The following ATP10D variants were observed in gnomAD, a reference collection of about 807,000 sequenced individuals.
ATP10D encodes ATPase phospholipid transporting 10D (putative), also known as phospholipid-transporting ATPase VD.
ATP10D carries 89 observed loss-of-function variants against 144.8 expected under a neutral mutation model. The observed-to-expected ratio is 0.61, with a 90% CI of 0.52 to 0.73. The LOEUF (loss-of-function observed/expected upper bound fraction) is 0.73. ATP10D is among the 30% of genes least tolerant of loss of function. The pLI, the probability that ATP10D is intolerant of heterozygous loss-of-function variation, is 0.00. For missense variants in ATP10D, 1,603 were observed against 1,714.8 expected, an observed-to-expected ratio of 0.93 and a Z score of 1.15; for synonymous variants, 571 against 615.1, an observed-to-expected ratio of 0.93 and a Z score of 1.06.
Position 47,587,038 on chromosome 4 carries a change from T to C in ATP10D, c.3773T>C (p.Val1258Ala), listed in dbSNP as rs1720820617. ...SKSLTWIHLLVIIGSILSYFL... is the reference protein window; with the variant it reads ...SKSLTWIHLLAIIGSILSYFL... ...TTACAGACTTGGATTCACTTGCTGG[T>C]CATCATTGGTAGCATCTTGTCTTAT... The change falls in exon 22 of 23, where the codon GTC (valine) becomes GCC (alanine). Residue 1258 changes from valine (V) to alanine (A), a missense_variant. By Grantham distance (64) the Val-to-Ala change is moderately conservative. Coordinates refer to ENST00000273859, the MANE Select transcript of ATP10D (RefSeq NM_020453.4). 1 of 1,613,980 alleles carries C rather than the reference T, an allele frequency of 6.2e-7. No homozygotes were observed. Among genetic ancestry groups the C allele is most frequent in the Non-Finnish European group, 8.5e-7 (1 of 1,179,890 alleles).
chr4:47,524,882 A>G (rs1237092041), intron 4 of ATP10D, among the ~76,000 whole-genome samples: 1 of 150,140 alleles, frequency 6.7e-6, no homozygotes, highest in African/African-American at 2.4e-5. Flanking sequence ...TTCCTATTAT[A>G]TACTTATTAA....
chr4:47,519,717 G>T (rs547611899), intron 3 of ATP10D, among the ~76,000 whole-genome samples: 1 of 152,244 alleles, frequency 6.6e-6, no homozygotes, highest in South Asian at 2.1e-4. Flanking sequence ...TTAAGACTCA[G>T]TTCGGGTATC....
At chr4:47,488,136 A>G (rs1714866248) in intron 1 of ATP10D, among the ~76,000 whole-genome samples, 1 of 152,208 alleles carries the variant, frequency 6.6e-6, no homozygotes, top group African/African-American at 2.4e-5. Context: ...AAGCCCCAAT[A>G]ACAAAATATT....
chr4:47,580,074 G>A (rs1720431926), intron 19 of ATP10D, among the ~76,000 whole-genome samples: 2 of 152,350 alleles, frequency 1.3e-5, no homozygotes, highest in South Asian at 4.1e-4. Flanking sequence ...AATGGATAGA[G>A]TTGGAGAAGT....
intron 9 of ATP10D, among the ~76,000 whole-genome samples, chr4:47,537,755 G>T (rs1245102097): frequency 1.3e-5 from 2 of 151,986 alleles, no homozygotes; most frequent in Non-Finnish European, 2.9e-5. Flanking sequence ...TACTATATGT[G>T]GTCAAACTTA....
intron 19 of ATP10D, among the ~76,000 whole-genome samples, chr4:47,577,467 C>A (rs532463777): frequency 6.6e-6 from 1 of 152,086 alleles, no homozygotes; most frequent in Non-Finnish European, 1.5e-5. Flanking sequence ...TGGTATGTGA[C>A]CTTGGTAAAT....
chr4:47,528,258 C>G (rs550458613), intron 5 of ATP10D, among the ~76,000 whole-genome samples: 1 of 152,020 alleles, frequency 6.6e-6, no homozygotes, highest in South Asian at 2.1e-4. Context: ...ACCCTCCTTT[C>G]TTTTGGAGTC....
At chr4:47,577,990 T>A (rs1720321834) in intron 19 of ATP10D, among the ~76,000 whole-genome samples, 1 of 152,208 alleles carries the variant, frequency 6.6e-6, no homozygotes, top group African/African-American at 2.4e-5. Context: ...GCCTGTGTTT[T>A]AAAAGCCCAT....
At chr4:47,496,546 G>A (rs2109385654) in intron 1 of ATP10D, among the ~76,000 whole-genome samples, 1 of 152,266 alleles carries the variant, frequency 6.6e-6, no homozygotes, top group South Asian at 2.1e-4. Context: ...TGGGTCTAGA[G>A]AAGTAAGACA....
rs781238830 is a variant in ATP10D at position 47,554,784 on chromosome 4, G to T, written c.1694G>T (p.Arg565Leu). The change falls in exon 11 of 23, where the codon CGG (arginine) becomes CTG (leucine). Residue 565 changes from arginine to leucine, a missense_variant. By Grantham distance (102) the Arg-to-Leu change is moderately radical. Coordinates refer to ENST00000273859, the MANE Select transcript of ATP10D (RefSeq NM_020453.4). The part of the protein sequence containing the change: ...LLDKFSQITP[R>L]LFMPLDETIQ... ...GACAAATTTAGTCAGATTACACCTCGGCTCTTTATGCCACTAGATGAGACC... is the reference window on the plus strand; with the variant it reads ...GACAAATTTAGTCAGATTACACCTCTGCTCTTTATGCCACTAGATGAGACC... The T allele has an allele frequency of 6.2e-7, 1 of 1,613,914 alleles. No homozygotes were observed. The highest frequency in any genetic ancestry group is 8.5e-7 in the Non-Finnish European group (1 of 1,179,908).
chr4:47,488,934 T>C (rs1371710996), intron 1 of ATP10D, among the ~76,000 whole-genome samples: 11 of 152,204 alleles, frequency 7.2e-5, no homozygotes, highest in Non-Finnish European at 1.5e-4. Context: ...GAAAGTGAGC[T>C]CTCACCAGAC....
intron 3 of ATP10D, among the ~76,000 whole-genome samples, chr4:47,521,859 C>T (rs1343116745): frequency 2.6e-5 from 4 of 152,130 alleles, no homozygotes; most frequent in Non-Finnish European, 4.4e-5. Context: ...TCAAAGATTT[C>T]CTTTGTTGGT....
At chr4:47,545,312 A>G (rs1025169765) in intron 9 of ATP10D, among the ~76,000 whole-genome samples, 3 of 152,248 alleles carry the variant, frequency 2.0e-5, no homozygotes, top group Non-Finnish European at 2.9e-5. Flanking sequence ...TATTTAAGCC[A>G]GGATAGGGAG....
At chr4:47,525,771 A>G in intron 5 of ATP10D, 129 bp downstream of exon 5, 1 of 690,048 alleles carries the variant, frequency 1.4e-6, no homozygotes. Flanking sequence ...TTAGCCACCT[A>G]CTAAAATAGT....
chr4:47,501,226 T>C (rs1715665450), intron 1 of ATP10D, among the ~76,000 whole-genome samples: 1 of 152,190 alleles, frequency 6.6e-6, no homozygotes, highest in Non-Finnish European at 1.5e-5. Flanking sequence ...TGGTTGTTTA[T>C]GGGTAGGATC....
chr4:47,540,022 GC>G (rs570095800), intron 9 of ATP10D, among the ~76,000 whole-genome samples: 6 of 152,144 alleles, frequency 3.9e-5, no homozygotes, highest in Admixed American at 6.5e-5. Context: ...TACTAACTTT[GC>G]CTTTGACCAC....
At chr4:47,489,683 C>CA (rs1475981760) in intron 1 of ATP10D, among the ~76,000 whole-genome samples, 1 of 152,108 alleles carries the variant, frequency 6.6e-6, no homozygotes. Flanking sequence ...TGTTAGGTAT[C>CA]ATTATTTCTG....
intron 1 of ATP10D, among the ~76,000 whole-genome samples, chr4:47,495,503 TA>T (rs923215731): frequency 1.3e-5 from 2 of 151,872 alleles, no homozygotes; most frequent in South Asian, 2.1e-4. Flanking sequence ...GTGTTAATGG[TA>T]AAAAAAACAT....
chr4:47,531,011 A>T (rs958903755), intron 5 of ATP10D, among the ~76,000 whole-genome samples: 111 of 152,176 alleles, frequency 7.3e-4, no homozygotes, highest in African/African-American at 2.6e-3. Flanking sequence ...TGCTGGCTTC[A>T]TGGAATGAGT....
Sources: allele counts gnomAD v4.1 joint callset (sites outside exome capture counted in the v4.1 genomes callset), GRCh38; gene constraint gnomAD v4.1.1; transcripts MANE v1.5; gene names NCBI Gene and HGNC (gene_info 2026-07-23, HGNC 2026-07-21).